The following UNC79 variants were observed in gnomAD, a reference collection of about 807,000 sequenced individuals.
The protein encoded by UNC79 is protein unc-79 homolog.
UNC79 carries 37 observed loss-of-function variants against 283.1 expected under a neutral mutation model. The observed-to-expected ratio is 0.13, with a 90% confidence interval of 0.10 to 0.17. UNC79 has a LOEUF of 0.17. UNC79 is among the 10% of genes least tolerant of loss of function. The probability of loss-of-function intolerance (pLI) is 1.00; values close to 1 mark genes in which losing one functional copy is unlikely to be tolerated. For missense variants in UNC79, 2,272 were observed against 3,211.1 expected (o/e 0.71, Z 7.07); for synonymous variants, 1,107 against 1,200.2 (o/e 0.92, Z 1.61).
chr14:93,480,191 A>C (rs2058052873), intron 4 of UNC79, among the ~76,000 whole-genome samples: 1 of 152,242 alleles, frequency 6.6e-6, no homozygotes, highest in Non-Finnish European at 1.5e-5. Flanking sequence ...AACTGAGGAG[A>C]ATAAAACAGT....
In UNC79 at chr14:93,474,204, G is replaced by A; in HGVS notation, c.259G>A (p.Val87Ile). 1 of 1,535,988 alleles carries A rather than the reference G, an allele frequency of 6.5e-7. No individual in the cohort carries two copies. Among genetic ancestry groups the A allele is most frequent in the South Asian group, 1.2e-5 (1 of 84,056 alleles). Residue 87 changes from valine to isoleucine, a missense_variant, in exon 3 of 49, where the codon GTC becomes ATC. This residue lies in a region of UNC79 where 194 missense variants were observed against 268.9 expected (regional missense o/e 0.72). Transcript: ENST00000555664. The surrounding 1 kb of genome is among the most constrained non-coding windows in gnomAD (Gnocchi z 4.1). Reference sequence around the variant, plus strand: ...ACTCACCCCATCTCTAAGACCGCAGGTCAGTTCCATCAACCCTACTGTTAC... The same window carrying A: ...ACTCACCCCATCTCTAAGACCGCAGATCAGTTCCATCAACCCTACTGTTAC...
rs565291479 is a variant in UNC79 at position 93,605,043 on chromosome 14, G to A, written c.3754+1625G>A. On this transcript the variant is annotated intron_variant, in intron 26 of 48. Transcript: ENST00000555664. ...GTAGAGAATGCGGTGTCTCTAACTG[G>A]ACCAGGGTGATATACCTAGGATTTG... The A allele has an allele frequency of 2.6e-5, 37 of 1,442,100 alleles. No homozygotes were observed. In the South Asian group the frequency reaches 4.4e-4, roughly 17 times the overall value. The allele number at this position is 1,442,100 out of a possible 1,614,324, so 89.3% of individuals were successfully genotyped here. A position where few individuals can be genotyped will look rare whatever the true frequency, so the allele number is the denominator to read the frequency against.
chr14:93,566,498 A>T lies in UNC79; in HGVS notation c.1756-5396A>T, dbSNP rs575170311. ...ACACAGGTCAGCATAGCCGGTTGTGATGGTTACCTTGAGTAACAGGCCACC... is the reference window on the plus strand; with the variant it reads ...ACACAGGTCAGCATAGCCGGTTGTGTTGGTTACCTTGAGTAACAGGCCACC... On this transcript the variant is annotated intron_variant, in intron 14 of 48. Transcript: ENST00000555664. 7.2e-5 allele frequency among the ~76,000 whole-genome samples: 11 copies of T among 152,194 alleles called. No homozygotes were observed. In the South Asian group the frequency reaches 1.0e-3, roughly 14 times the overall value.
chr14:93,511,832 CATT>C (rs1294723265), intron 7 of UNC79, among the ~76,000 whole-genome samples: 1 of 152,134 alleles, frequency 6.6e-6, no homozygotes, highest in Non-Finnish European at 1.5e-5. Flanking sequence ...CTGTATGTAT[CATT>C]GTTTTCTGCT....
At chr14:93,494,791 C>A (rs1410763630) in intron 5 of UNC79, among the ~76,000 whole-genome samples, 1 of 152,140 alleles carries the variant, frequency 6.6e-6, no homozygotes, top group Non-Finnish European at 1.5e-5. Flanking sequence ...GTTAAGATGT[C>A]TTTGGCTGAC....
intron 1 of UNC79, among the ~76,000 whole-genome samples, chr14:93,424,480 C>T (rs1334802576): frequency 6.6e-6 from 1 of 151,940 alleles, no homozygotes; most frequent in African/African-American, 2.4e-5. Context: ...AACAGATAAA[C>T]ATGTAAAGAA....
At chr14:93,579,390 A>G (rs780306723) in intron 18 of UNC79, among the ~76,000 whole-genome samples, 1 of 152,224 alleles carries the variant, frequency 6.6e-6, no homozygotes, top group African/African-American at 2.4e-5. Flanking sequence ...ATCAATTATT[A>G]CTATCATGAC....
chr14:93,336,509 T>C (rs1323781163), intron 1 of UNC79, among the ~76,000 whole-genome samples: 1 of 152,020 alleles, frequency 6.6e-6, no homozygotes, highest in Non-Finnish European at 1.5e-5. Flanking sequence ...GCCTGACTAA[T>C]TTTTTGTATT....
chr14:93,691,579 C>G, intron 45 of UNC79, 170 bp from the exon 49 acceptor site: 2 of 683,144 alleles, frequency 2.9e-6, no homozygotes, highest in East Asian at 5.4e-5. Context: ...GAAGAGAGCA[C>G]AGCAGATAGT....
At chr14:93,428,063 G>A (rs2055770363), upstream of UNC79, among the ~76,000 whole-genome samples, 1 of 152,060 alleles carries the variant, frequency 6.6e-6, no homozygotes, top group Non-Finnish European at 1.5e-5. Context: ...TTCAAATGCT[G>A]GCATTAGTCA....
At chr14:93,591,557 G>T (rs75995442) in intron 22 of UNC79, among the ~76,000 whole-genome samples, 2 of 152,308 alleles carry the variant, frequency 1.3e-5, no homozygotes, top group East Asian at 1.9e-4. Context: ...TTGCAGTACC[G>T]TACTGTGTTT....
intron 26 of UNC79, among the ~76,000 whole-genome samples, chr14:93,609,018 T>C (rs777034482): frequency 3.3e-5 from 5 of 152,242 alleles, no homozygotes; most frequent in Non-Finnish European, 7.3e-5. Flanking sequence ...TGCATAATTG[T>C]CATTGGCCAC....
chr14:93,598,051 A>T (rs1347643485), intron 24 of UNC79, among the ~76,000 whole-genome samples: 1 of 152,004 alleles, frequency 6.6e-6, no homozygotes, highest in Non-Finnish European at 1.5e-5. Flanking sequence ...GCCCAGGCTG[A>T]TCATAACTCT....
At chr14:93,504,655 G>A (rs1249650335) in intron 7 of UNC79, among the ~76,000 whole-genome samples, 1 of 151,708 alleles carries the variant, frequency 6.6e-6, no homozygotes, top group Non-Finnish European at 1.5e-5. Flanking sequence ...CTAACTCTTT[G>A]TTGCTAGTAT....
chr14:93,595,378 C>T (rs1307241621), intron 23 of UNC79, among the ~76,000 whole-genome samples: 2 of 152,166 alleles, frequency 1.3e-5, no homozygotes, highest in Admixed American at 6.5e-5. Flanking sequence ...GCATGAGCCA[C>T]CGTACCCGGC....
intron 33 of UNC79, 78 bp from the exon 37 acceptor site, chr14:93,643,479 A>AT: frequency 6.2e-7 from 1 of 1,607,242 alleles, no homozygotes; most frequent in South Asian, 1.1e-5. Context: ...TACTAAAAAC[A>AT]GCCGTGTGTG....
intron 27 of UNC79, among the ~76,000 whole-genome samples, chr14:93,615,741 A>AAAAAAAAAAAAAG (rs2066667756): frequency 7.0e-6 from 1 of 142,796 alleles, no homozygotes; most frequent in African/African-American, 2.9e-5. Flanking sequence ...AAAAAAAAAA[A>AAAAAAAAAAAAAG]AAAAGAAAAG....
At chr14:93,706,555 G>A (rs2075893710) in intron 48 of UNC79, 149 bp from the exon 52 acceptor site, 3 of 790,332 alleles carry the variant, frequency 3.8e-6, no homozygotes, top group South Asian at 3.5e-5. Context: ...CCCGCCCTGG[G>A]CACTGCCAGA....
chr14:93,607,478 G>C (rs1029349268), intron 26 of UNC79, among the ~76,000 whole-genome samples: 8 of 152,116 alleles, frequency 5.3e-5, no homozygotes, highest in African/African-American at 1.9e-4. Flanking sequence ...CAAGGGATTT[G>C]GCTTTCTTTC....
Sources: allele counts gnomAD v4.1 joint callset (sites outside exome capture counted in the v4.1 genomes callset), GRCh38; gene constraint gnomAD v4.1.1; regional missense constraint gnomAD v4.1.1; non-coding constraint Gnocchi (gnomAD v3.1); transcripts MANE v1.5; gene names NCBI Gene and HGNC (gene_info 2026-07-23, HGNC 2026-07-21).